Variants in PEX5L observed in about 807,000 individuals in gnomAD.
PEX5L encodes PEX5-related protein.
A neutral mutation model predicts 84.0 loss-of-function variants in PEX5L; 30 were observed. The ratio of observed to expected loss-of-function variants is 0.36; its 90% confidence interval spans 0.27 to 0.48. PEX5L has a LOEUF of 0.48. Among genes scored for constraint, PEX5L ranks in the 20% least tolerant of loss-of-function variants. PEX5L has a pLI of 0.99. For missense variants in PEX5L, 533 were observed against 754.6 expected (o/e 0.71, Z 3.44); for synonymous variants, 270 against 283.1 (o/e 0.95, Z 0.46).
intron 7 of PEX5L, among the ~76,000 whole-genome samples, chr3:179,866,506 C>T (rs1301600314): frequency 6.6e-6 from 1 of 152,176 alleles, no homozygotes; most frequent in Non-Finnish European, 1.5e-5. Context: ...GATAACAATT[C>T]ATGTAAATAC....
rs1168068933 is a variant in PEX5L at position 179,809,545 on chromosome 3, C to G, written c.1278G>C (p.Lys426Asn). Residue 426 changes from lysine (K) to asparagine (N), a missense_variant, in exon 12 of 15, where the codon AAG becomes AAC. This residue lies in a region of PEX5L where 63 missense variants were observed against 60.2 expected (regional missense o/e 1.05). Transcript: ENST00000467460. Reference sequence around the variant, plus strand: ...TCTTGCTTTTCACAAGGTATTTGTACTTTGGATTTTGCTTAATCCAATTCT... The same window carrying G: ...TCTTGCTTTTCACAAGGTATTTGTAGTTTGGATTTTGCTTAATCCAATTCT... ...ALKNWIKQNPKYKYLVKSKKG... is the reference protein window; with the variant it reads ...ALKNWIKQNPNYKYLVKSKKG... The G allele has an allele frequency of 5.6e-6, 9 of 1,614,056 alleles. No individual in the cohort carries two copies. Among genetic ancestry groups the G allele is most frequent in the Non-Finnish European group, 7.6e-6 (9 of 1,179,968 alleles).
rs1210575122 is a variant in PEX5L, at chr3:179,795,073, C to G, written c.*6755G>C. On this transcript the variant is annotated 3_prime_UTR_variant, in exon 15 of 15. Coordinates refer to ENST00000467460, the MANE Select transcript of PEX5L (RefSeq NM_016559.3). ...AGATTTTTAAAGTTTTGTTTTATAT[C>G]CAAAAATGCATTCCTGATTTCCAGA... The G allele has an allele frequency of 6.6e-6, 1 of 151,942 alleles. No homozygotes were observed. Among genetic ancestry groups the G allele is most frequent in the East Asian group, 1.9e-4 (1 of 5,200 alleles). The allele number at this position is 151,942 out of a possible 1,614,324, so 9.4% of individuals were successfully genotyped here. A position where few individuals can be genotyped will look rare whatever the true frequency, so the allele number is the denominator to read the frequency against.
chr3:179,847,079 G>GTA (rs199601016), intron 8 of PEX5L, among the ~76,000 whole-genome samples: 33,398 of 105,190 alleles, frequency 0.32, 4,374 homozygotes, highest in East Asian at 0.62. Flanking sequence ...GTGTGTGTGT[G>GTA]TGTATATATA....
intron 1 of PEX5L, among the ~76,000 whole-genome samples, chr3:179,979,746 G>A (rs1786142038): frequency 6.6e-6 from 1 of 152,186 alleles, no homozygotes. Flanking sequence ...TCTATTTTAA[G>A]TGAAAATTTA....
At chr3:179,890,924 G>C (rs995736112) in intron 3 of PEX5L, among the ~76,000 whole-genome samples, 1 of 151,596 alleles carries the variant, frequency 6.6e-6, no homozygotes, top group East Asian at 1.9e-4. Flanking sequence ...TTCAATGAGA[G>C]CCCTGTCCTT....
chr3:179,874,726 G>T (rs1426891448), intron 6 of PEX5L, among the ~76,000 whole-genome samples: 4 of 45,206 alleles, frequency 8.8e-5, no homozygotes, highest in Non-Finnish European at 1.3e-4. Flanking sequence ...AAAAATTATG[G>T]TTTTTTTTTT....
At chr3:179,991,324 G>A (rs1017156442) in intron 1 of PEX5L, among the ~76,000 whole-genome samples, 2 of 152,098 alleles carry the variant, frequency 1.3e-5, no homozygotes, top group African/African-American at 4.8e-5. Context: ...AAGCATAGTC[G>A]CAAGGCCAAG....
intron 1 of PEX5L, among the ~76,000 whole-genome samples, chr3:180,005,899 T>G (rs761722127): frequency 2.6e-5 from 4 of 152,254 alleles, no homozygotes; most frequent in African/African-American, 4.8e-5. Flanking sequence ...AAGGTATGCC[T>G]TTCTTTCTTA....
chr3:179,858,309 G>C (rs772123846), intron 8 of PEX5L, among the ~76,000 whole-genome samples: 6 of 152,104 alleles, frequency 3.9e-5, no homozygotes, highest in Non-Finnish European at 5.9e-5. Context: ...ATGAGTAGCA[G>C]AGATAGCATC....
intron 2 of PEX5L, among the ~76,000 whole-genome samples, chr3:179,931,197 T>C (rs1055225560): frequency 3.3e-5 from 5 of 152,228 alleles, no homozygotes; most frequent in African/African-American, 1.2e-4. Context: ...GTGTTCAAGA[T>C]AGAAGGCTAG....
intron 1 of PEX5L, among the ~76,000 whole-genome samples, chr3:180,004,433 A>T (rs570955975): frequency 6.6e-5 from 10 of 152,214 alleles, no homozygotes; most frequent in Non-Finnish European, 8.8e-5. Flanking sequence ...GGTCAAGCTA[A>T]TGGAAACTAT....
intron 8 of PEX5L, among the ~76,000 whole-genome samples, chr3:179,857,831 C>T (rs947706576): frequency 1.3e-5 from 2 of 152,152 alleles, no homozygotes; most frequent in African/African-American, 4.8e-5. Context: ...AGGCTCCATG[C>T]ATTTGAACAA....
intron 2 of PEX5L, among the ~76,000 whole-genome samples, chr3:179,935,323 G>C (rs1335205748): frequency 1.3e-5 from 2 of 152,196 alleles, no homozygotes; most frequent in East Asian, 3.8e-4. Flanking sequence ...CAACAAACTA[G>C]TAGAAATGAC....
intron 2 of PEX5L, among the ~76,000 whole-genome samples, chr3:179,937,806 T>G (rs1034545936): frequency 6.6e-6 from 1 of 152,202 alleles, no homozygotes; most frequent in African/African-American, 2.4e-5. Context: ...CCAGGTTTTG[T>G]GCAAGTGGGA....
In PEX5L at chr3:179,961,075, T is replaced by C. The variant is rs371412757; in HGVS notation, c.93+10519A>G. Among the ~76,000 whole-genome samples the C allele has an allele frequency of 5.7e-3, 425 of 73,914 alleles. 4 individuals carry two copies. The highest frequency in any genetic ancestry group is 0.02 in the African/African-American group (409 of 20,864). 48.5% of individuals were successfully genotyped at this position (73,914 alleles called of 152,430 possible). A position where few individuals can be genotyped will look rare whatever the true frequency, so the allele number is the denominator to read the frequency against. On this transcript the variant is annotated intron_variant, in intron 2 of 14. Transcript: ENST00000467460. The stretch of plus-strand genomic sequence containing the variant: ...TCCAGCACAAAGCCTGGATGGTACA[T>C]TCTCTCACCATTTCCATTTCTTTAA...
At chr3:180,017,715 C>A (rs537371542) in intron 1 of PEX5L, among the ~76,000 whole-genome samples, 3 of 151,664 alleles carry the variant, frequency 2.0e-5, no homozygotes, top group Admixed American at 2.0e-4. Flanking sequence ...TTTCAGCTAA[C>A]TTTTAAGTTC....
At chr3:179,883,645 T>C (rs1178064264) in intron 4 of PEX5L, among the ~76,000 whole-genome samples, 2 of 152,086 alleles carry the variant, frequency 1.3e-5, no homozygotes, top group African/African-American at 4.8e-5. Context: ...TAGCCGGGCG[T>C]GGTGGCACAT....
At chr3:179,975,837 C>T (rs953041124) in intron 1 of PEX5L, among the ~76,000 whole-genome samples, 1 of 152,114 alleles carries the variant, frequency 6.6e-6, no homozygotes, top group African/African-American at 2.4e-5. Context: ...AGACTTTGAT[C>T]TAATCTCTCT....
rs150713726 is a variant in PEX5L, at chr3:179,828,893, C to T, written c.823-8917G>A. Among the ~76,000 whole-genome samples the T allele has an allele frequency of 2.5e-3, 374 of 152,300 alleles. 1 individual carries two copies. Among genetic ancestry groups the T allele is most frequent in the African/African-American group, 8.8e-3 (366 of 41,564 alleles). On this transcript the variant is annotated intron_variant, in intron 8 of 14. Coordinates refer to ENST00000467460, the MANE Select transcript of PEX5L (RefSeq NM_016559.3). ...TAGCCAGCAGGTTTTCTCATCCTCACATCTGCTGTGTGAATCAGAATTCTT... is the reference window on the plus strand; with the variant it reads ...TAGCCAGCAGGTTTTCTCATCCTCATATCTGCTGTGTGAATCAGAATTCTT...
Sources: gnomAD v4.1 joint callset for allele counts (sites outside exome capture counted in the v4.1 genomes callset) on GRCh38, gnomAD v4.1.1 for gene constraint, gnomAD v4.1.1 regional missense constraint, MANE v1.5 for transcripts, NCBI Gene and HGNC (gene_info 2026-07-23, HGNC 2026-07-21) for gene names.